SLAIN2: variants seen among roughly 807,000 people sequenced by gnomAD.
The protein encoded by SLAIN2 is SLAIN family member 2.
Under a neutral mutation model 56.6 loss-of-function variants are expected in SLAIN2, and 31 were observed. That is an observed-to-expected ratio of 0.55 (90% confidence interval 0.41 to 0.74). The LOEUF (loss-of-function observed/expected upper bound fraction) is 0.74. SLAIN2 is among the 30% of genes least tolerant of loss of function. SLAIN2 has a pLI of 0.00. For synonymous variants in SLAIN2, 317 were observed against 284.9 expected (o/e 1.11, Z -1.13); for missense variants, 777 against 754.2 (o/e 1.03, Z -0.35).
At chr4:48,419,441 C>T (rs187504614) in intron 6 of SLAIN2, among the ~76,000 whole-genome samples, 2 of 152,260 alleles carry the variant, frequency 1.3e-5, no homozygotes, top group African/African-American at 4.8e-5. Flanking sequence ...TGCTCTGTCA[C>T]CCAGGCCGGA....
intron 6 of SLAIN2, among the ~76,000 whole-genome samples, chr4:48,401,599 C>G (rs1229285938): frequency 6.6e-6 from 1 of 151,984 alleles, no homozygotes; most frequent in Non-Finnish European, 1.5e-5. Flanking sequence ...GGATTGCAAC[C>G]CCTGCTTTTT....
intron 6 of SLAIN2, among the ~76,000 whole-genome samples, chr4:48,389,783 C>G (rs749382081): frequency 6.6e-6 from 1 of 152,176 alleles, no homozygotes; most frequent in Non-Finnish European, 1.5e-5. Context: ...GGAGCGGGTA[C>G]AGCATCCCAT....
chr4:48,402,247 A>ATT (rs1716575142), intron 6 of SLAIN2, among the ~76,000 whole-genome samples: 1 of 139,696 alleles, frequency 7.2e-6, no homozygotes, highest in South Asian at 2.3e-4. Context: ...TCTGATGATT[A>ATT]TGTGTCTTTG....
At position 48,400,296 on chromosome 4, in the gene SLAIN2, T is replaced by C. The variant is rs1326057724; in HGVS notation, c.1360+16512T>C. Among the ~76,000 whole-genome samples the C allele has an allele frequency of 1.5e-4, 23 of 152,082 alleles. No homozygotes were observed. In the East Asian group the frequency reaches 3.9e-3, roughly 26 times the overall value. ...ATTTTCTAGTTTATGTACATAGAGG[T>C]GTTTATAGTATTATCTGATGGTTGT... On this transcript the variant is annotated intron_variant, in intron 6 of 7. Transcript: ENST00000264313.
intron 1 of SLAIN2, among the ~76,000 whole-genome samples, chr4:48,343,880 T>C (rs1054634388): frequency 6.6e-6 from 1 of 152,264 alleles, no homozygotes; most frequent in African/African-American, 2.4e-5. Context: ...CAAAGGAATC[T>C]TGGGTATGTA....
intron 6 of SLAIN2, among the ~76,000 whole-genome samples, chr4:48,415,587 G>A (rs1193942233): frequency 1.3e-5 from 1 of 79,124 alleles, no homozygotes; most frequent in African/African-American, 4.1e-5. Flanking sequence ...GTCAATTTTG[G>A]CTTTTGTTGC....
At chr4:48,376,550 A>C (rs1001694573) in intron 2 of SLAIN2, among the ~76,000 whole-genome samples, 1 of 150,194 alleles carries the variant, frequency 6.7e-6, no homozygotes, top group African/African-American at 2.4e-5. Context: ...CTACTGTTGT[A>C]CTATTTATTT....
intron 6 of SLAIN2, among the ~76,000 whole-genome samples, chr4:48,392,337 T>A (rs16861282): frequency 0.086 from 13,125 of 152,186 alleles, 1,910 homozygotes; most frequent in African/African-American, 0.3. Flanking sequence ...CAATCACATG[T>A]GAAACTTGAG....
At chr4:48,347,818 A>C (rs984149777) in intron 1 of SLAIN2, among the ~76,000 whole-genome samples, 1 of 152,166 alleles carries the variant, frequency 6.6e-6, no homozygotes, top group African/African-American at 2.4e-5. Context: ...TTCTCTGTCT[A>C]TGAATTTGAC....
At chr4:48,356,327 A>G (rs370281225) in intron 1 of SLAIN2, among the ~76,000 whole-genome samples, 1 of 152,152 alleles carries the variant, frequency 6.6e-6, no homozygotes, top group African/African-American at 2.4e-5. Context: ...TGTGTTTTCT[A>G]TGGACTAAAA....
chr4:48,377,348 T>C (rs1468067731), intron 2 of SLAIN2, among the ~76,000 whole-genome samples: 2 of 149,142 alleles, frequency 1.3e-5, no homozygotes, highest in Admixed American at 6.7e-5. Flanking sequence ...TTTTTTTTTT[T>C]TTTTTTTTTA....
rs536503709 is a variant in SLAIN2 at position 48,395,199 on chromosome 4, A to G, written c.1360+11415A>G. On this transcript the variant is annotated intron_variant, in intron 6 of 7. Coordinates refer to ENST00000264313, the MANE Select transcript of SLAIN2 (RefSeq NM_020846.2). The stretch of plus-strand genomic sequence containing the variant: ...AGCTGTCCAATATTGGTTCCAAGAC[A>G]CTGAATGTATGGGCAGCTAGATGGA... Among the ~76,000 whole-genome samples the G allele has an allele frequency of 3.9e-5, 6 of 152,296 alleles. No homozygotes were observed. In the South Asian group the frequency reaches 8.3e-4, roughly 21 times the overall value.
rs116810010 is a variant in SLAIN2, at chr4:48,375,367, A to G, written c.539-2529A>G. Among the ~76,000 whole-genome samples the G allele has an allele frequency of 3.7e-4, 57 of 152,336 alleles. 1 individual carries two copies. Among genetic ancestry groups the G allele is most frequent in the Non-Finnish European group, 7.1e-4 (48 of 68,038 alleles). ...CATGGTCCAAATTACTGCACTGTCT[A>G]ACTAAACAGAAAACATATGTTCCTC... On this transcript the variant is annotated intron_variant, in intron 2 of 7. Coordinates refer to ENST00000264313, the MANE Select transcript of SLAIN2 (RefSeq NM_020846.2).
chr4:48,411,507 C>T (rs570336497), intron 6 of SLAIN2, among the ~76,000 whole-genome samples: 4 of 151,904 alleles, frequency 2.6e-5, no homozygotes, highest in Non-Finnish European at 5.9e-5. Context: ...ATCCAGTTGT[C>T]CTAGCAGCAT....
intron 4 of SLAIN2, 105 bp downstream of exon 4, chr4:48,379,953 T>C: frequency 9.3e-7 from 1 of 1,073,452 alleles, no homozygotes; most frequent in Non-Finnish European, 1.3e-6. Flanking sequence ...GTAGTGAAAG[T>C]AGAAATGTTG....
chr4:48,362,731 TC>T (rs1258410008), intron 1 of SLAIN2, among the ~76,000 whole-genome samples: 3 of 95,726 alleles, frequency 3.1e-5, no homozygotes, highest in South Asian at 7.6e-4. Flanking sequence ...TTTTTAAATT[TC>T]TTTTTTTTTT....
chr4:48,350,546 T>TG (rs761880529), intron 1 of SLAIN2, among the ~76,000 whole-genome samples: 3 of 152,224 alleles, frequency 2.0e-5, no homozygotes, highest in Non-Finnish European at 2.9e-5. Flanking sequence ...GCACATTGCA[T>TG]GTGACTCCTG....
chr4:48,364,230 C>A (rs1715444260), intron 1 of SLAIN2, among the ~76,000 whole-genome samples: 1 of 82,468 alleles, frequency 1.2e-5, no homozygotes, highest in Admixed American at 1.1e-4. Context: ...CTCCTCACAT[C>A]CCAGATGGGG....
At chr4:48,363,384 C>T (rs1560452475) in intron 1 of SLAIN2, among the ~76,000 whole-genome samples, 3 of 75,038 alleles carry the variant, frequency 4.0e-5, no homozygotes, top group South Asian at 7.0e-4. Flanking sequence ...GCTGGCCGGG[C>T]GGGGGGGCTG....
Sources: allele counts gnomAD v4.1 joint callset (sites outside exome capture counted in the v4.1 genomes callset), GRCh38; gene constraint gnomAD v4.1.1; transcripts MANE v1.5; gene names NCBI Gene and HGNC (gene_info 2026-07-23, HGNC 2026-07-21).